Variants in LRMDA observed in about 807,000 individuals in gnomAD.
LRMDA encodes the protein leucine-rich melanocyte differentiation-associated protein.
Under a neutral mutation model 29.8 loss-of-function variants are expected in LRMDA, and 18 were observed. That is an observed-to-expected ratio of 0.60 (90% CI 0.42 to 0.90). The LOEUF (loss-of-function observed/expected upper bound fraction) is 0.90. Among genes scored for constraint, LRMDA ranks in the 40% least tolerant of loss-of-function variants. The pLI is 0.00. For missense variants in LRMDA, 273 were observed against 273.9 expected, an observed-to-expected ratio of 1.00 and a Z score of 0.02; for synonymous variants, 125 against 109.4, an observed-to-expected ratio of 1.14 and a Z score of -0.89.
At chr10:76,225,844 T>G (rs1037677494) in intron 5 of LRMDA, among the ~76,000 whole-genome samples, 11 of 151,600 alleles carry the variant, frequency 7.3e-5, no homozygotes, top group Non-Finnish European at 7.4e-5. Context: ...GTCATTTACA[T>G]TAGGTATATC....
At chr10:75,904,255 T>C (rs113811495) in intron 2 of LRMDA, among the ~76,000 whole-genome samples, 3 of 152,220 alleles carry the variant, frequency 2.0e-5, no homozygotes, top group African/African-American at 7.2e-5. Flanking sequence ...TGGGATGAGC[T>C]GGTGGCCCTG....
intron 2 of LRMDA, among the ~76,000 whole-genome samples, chr10:75,825,675 C>G (rs1844236334): frequency 6.6e-6 from 1 of 152,136 alleles, no homozygotes; most frequent in African/African-American, 2.4e-5. Flanking sequence ...AAACCATAAC[C>G]TACTCTTGTG....
intron 2 of LRMDA, among the ~76,000 whole-genome samples, chr10:75,584,430 G>C (rs1013781949): frequency 6.6e-6 from 1 of 152,102 alleles, no homozygotes; most frequent in South Asian, 2.1e-4. Context: ...ACAATAACAT[G>C]ACCACCTTCA....
intron 6 of LRMDA, among the ~76,000 whole-genome samples, chr10:76,429,983 TA>T (rs1842174128): frequency 6.6e-6 from 1 of 152,236 alleles, no homozygotes. Flanking sequence ...TGGACAGTTT[TA>T]ACACTTGGAA....
chr10:76,342,071 C>T (rs1841048602), intron 6 of LRMDA, among the ~76,000 whole-genome samples: 1 of 152,058 alleles, frequency 6.6e-6, no homozygotes. Flanking sequence ...TACAGTATTC[C>T]CCGGTAATAT....
At chr10:76,284,142 A>T (rs140506316) in intron 5 of LRMDA, among the ~76,000 whole-genome samples, 62 of 152,318 alleles carry the variant, frequency 4.1e-4, no homozygotes, top group African/African-American at 1.5e-3. Flanking sequence ...TCATCCGAAT[A>T]TGTCCATGTC....
chr10:75,517,229 C>T (rs1199994044), intron 2 of LRMDA, among the ~76,000 whole-genome samples: 1 of 152,076 alleles, frequency 6.6e-6, no homozygotes, highest in Non-Finnish European at 1.5e-5. Context: ...TTTTCCAAAT[C>T]TGTGAAGAAA....
chr10:75,749,651 T>C (rs1285474436), intron 2 of LRMDA, among the ~76,000 whole-genome samples: 3 of 151,722 alleles, frequency 2.0e-5, no homozygotes, highest in East Asian at 3.9e-4. Flanking sequence ...TAGTATTTAT[T>C]GATCATTCTT....
intron 2 of LRMDA, among the ~76,000 whole-genome samples, chr10:75,846,213 GTGTA>G (rs1355919582): frequency 6.6e-6 from 1 of 150,908 alleles, no homozygotes; most frequent in African/African-American, 2.5e-5. Flanking sequence ...GTGTGTGTGT[GTGTA>G]TGAGCTTTTC....
chr10:76,220,528 G>A (rs1851812213), intron 5 of LRMDA, among the ~76,000 whole-genome samples: 1 of 152,118 alleles, frequency 6.6e-6, no homozygotes, highest in African/African-American at 2.4e-5. Context: ...TAGAAGAAAT[G>A]GGTAAATTCC....
intron 2 of LRMDA, among the ~76,000 whole-genome samples, chr10:75,487,736 C>A (rs1222024357): frequency 6.6e-6 from 1 of 152,228 alleles, no homozygotes; most frequent in South Asian, 2.1e-4. Flanking sequence ...CATGCAAGCA[C>A]TCTCAGTGTC....
chr10:75,810,937 A>G (rs918385922), intron 2 of LRMDA, among the ~76,000 whole-genome samples: 8 of 152,176 alleles, frequency 5.3e-5, no homozygotes, highest in African/African-American at 1.4e-4. Flanking sequence ...GATGAGAATA[A>G]TATGGCTAAG....
chr10:75,433,365 G>A (rs1348799331), intron 1 of LRMDA, among the ~76,000 whole-genome samples: 1 of 152,158 alleles, frequency 6.6e-6, no homozygotes, highest in African/African-American at 2.4e-5. Flanking sequence ...ACAGCCCAAG[G>A]GCATTCATGG....
chr10:76,258,392 A>G (rs544782368), intron 5 of LRMDA, among the ~76,000 whole-genome samples: 2 of 152,192 alleles, frequency 1.3e-5, no homozygotes, highest in Non-Finnish European at 2.9e-5. Flanking sequence ...CATATAATGT[A>G]TTGCATGATC....
At chr10:75,580,229 G>A (rs1170215722) in intron 2 of LRMDA, among the ~76,000 whole-genome samples, 2 of 152,164 alleles carry the variant, frequency 1.3e-5, no homozygotes, top group Non-Finnish European at 2.9e-5. Flanking sequence ...CAAAGTCTCA[G>A]GATACAAAAT....
chr10:75,467,816 C>A (rs1227495784), intron 2 of LRMDA, among the ~76,000 whole-genome samples: 5 of 152,062 alleles, frequency 3.3e-5, no homozygotes, highest in Non-Finnish European at 5.9e-5. Context: ...CAAAAATTAT[C>A]TGGGGCTGGC....
chr10:76,047,073 C>T, intron 3 of LRMDA, 91 bp from the exon 4 acceptor site: 1 of 1,391,860 alleles, frequency 7.2e-7, no homozygotes, highest in South Asian at 1.2e-5. Flanking sequence ...CTCACAGGAG[C>T]AGACTGGACT....
intron 2 of LRMDA, among the ~76,000 whole-genome samples, chr10:75,464,648 T>C (rs1278193785): frequency 1.3e-5 from 2 of 152,192 alleles, no homozygotes; most frequent in African/African-American, 2.4e-5. Context: ...TAGTCTTTGG[T>C]AAACATATTT....
rs140107055 is a variant in LRMDA, at chr10:76,537,045, C to T, written c.602-20164C>T. Among the ~76,000 whole-genome samples the T allele has an allele frequency of 4.9e-3, 742 of 152,276 alleles. 9 individuals are homozygous for T. Among genetic ancestry groups the T allele is most frequent in the African/African-American group, 0.017 (706 of 41,540 alleles). On this transcript the variant is annotated intron_variant, in intron 6 of 6. Transcript: ENST00000611255. ...GCTTAAATATTATGATGGACTCATA[C>T]TTATTAAAAAATCAAATGTATCAAA...
Sources: allele counts gnomAD v4.1 joint callset (sites outside exome capture counted in the v4.1 genomes callset), GRCh38; gene constraint gnomAD v4.1.1; transcripts MANE v1.5; gene names NCBI Gene and HGNC (gene_info 2026-07-23, HGNC 2026-07-21).